The following SRSF2 variants were observed in gnomAD, a reference collection of about 807,000 sequenced individuals.
SRSF2 encodes serine/arginine-rich splicing factor 2.
SRSF2 carries 4 observed loss-of-function variants against 15.7 expected under a neutral mutation model. The observed-to-expected ratio is 0.26, with a 90% CI of 0.13 to 0.58. The LOEUF (loss-of-function observed/expected upper bound fraction) is 0.58, where lower values mean the gene tolerates loss of function less well. SRSF2 is among the 20% of genes least tolerant of loss of function. The pLI, the probability that SRSF2 is intolerant of heterozygous loss-of-function variation, is 0.90. For missense variants in SRSF2, 147 were observed against 332.4 expected (o/e 0.44, Z 4.34); for synonymous variants, 192 against 138.9 (o/e 1.38, Z -2.69).
intron 2 of SRSF2, chr17:76,735,812 T>A: frequency 2.2e-6 from 1 of 459,472 alleles, no homozygotes; most frequent in Non-Finnish European, 4.1e-6. Context: ...CCCTGGAGGA[T>A]CAGCCAAATC....
Position 76,736,756 on chromosome 17 carries a change from CGCG to C in SRSF2, c.362+40_362+42del, listed in dbSNP as rs1187613573. ...TTTGTGAGGTCGCCCGGGCCTCCCGCGCGCCCCGCCCCGCCTCCCGCGGTCCCC... is the reference window on the plus strand; with the variant it reads ...TTTGTGAGGTCGCCCGGGCCTCCCGCCCCCGCCCCGCCTCCCGCGGTCCCC... On this transcript the variant is annotated intron_variant, in intron 1 of 2. Transcript: ENST00000359995. 4 of 1,396,774 alleles carry C rather than the reference CGCG, an allele frequency of 2.9e-6. No individual in the cohort carries two copies. The Admixed American group carries it at 1.3e-4, about 47-fold the overall frequency. The allele number at this position is 1,396,774 out of a possible 1,614,324, so 86.5% of individuals were successfully genotyped here.
chr17:76,736,689 C>G (rs2077511565), intron 1 of SRSF2, 110 bp downstream of exon 1: 1 of 1,288,804 alleles, frequency 7.8e-7, no homozygotes, highest in Admixed American at 4.1e-5. Flanking sequence ...GGCGTGCACC[C>G]CCGCCCCGTC....
chr17:76,736,615 C>T (rs532688400), intron 1 of SRSF2, 151 bp from the exon 2 acceptor site: 13 of 1,159,614 alleles, frequency 1.1e-5, no homozygotes, highest in South Asian at 9.4e-5. Context: ...GCCGCCCACA[C>T]CCCGGCCACT....
chr17:76,736,344 G>C lies in SRSF2; in HGVS notation c.483C>G (p.Ser161=). The change falls in exon 2 of 3, where the codon TCC becomes TCG. Residue 161 remains serine, a synonymous_variant. Transcript: ENST00000359995. ...TGGACCTTCGTGCGGATCTGGACTT[G>C]GAGGTCGACCGAGATCGAGAACGAG... ...SRTRSRSRST[S]KSRSARRSKS... The C allele has an allele frequency of 6.2e-7, 1 of 1,614,160 alleles. No homozygotes were observed. The highest frequency in any genetic ancestry group is 1.1e-5 in the South Asian group (1 of 91,074).
Position 76,737,113 on chromosome 17 carries a change from G to C in SRSF2, c.48C>G (p.Leu16=), listed in dbSNP as rs1289391142. 1 of 1,608,692 alleles carries C rather than the reference G, an allele frequency of 6.2e-7. No homozygotes were observed. Among genetic ancestry groups the C allele is most frequent in the Non-Finnish European group, 8.5e-7 (1 of 1,177,510 alleles). The part of the protein sequence containing the change: ...PPPDVEGMTS[L]KVDNLTYRTS... ...TGCGGTAGGTCAGGTTGTCCACCTT[G>C]AGGGAGGTCATACCCTCCACATCGG... Residue 16 remains leucine, a synonymous_variant, in exon 1 of 3, where the codon CTC becomes CTG. Coordinates refer to ENST00000359995, the MANE Select transcript of SRSF2 (RefSeq NM_001195427.2).
rs560982300 is a variant in SRSF2, at chr17:76,735,896, G to A, written c.*7+258C>T. On this transcript the variant is annotated intron_variant, in intron 2 of 2. Transcript: ENST00000359995. ...CGCAGCTTTAAAGGGGGAAAATGCA[G>A]ACGTTGGATAAAAACAGCAAGAAAT... is the stretch of plus-strand genomic sequence containing the variant. The A allele has an allele frequency of 7.4e-5, 44 of 591,644 alleles. No homozygotes were observed. The Admixed American group carries it at 7.8e-4, about 10-fold the overall frequency. 36.6% of individuals were successfully genotyped at this position (591,644 alleles called of 1,614,324 possible).
At chr17:76,736,516 G>C (rs372808564) in intron 1 of SRSF2, 52 bp from the exon 2 acceptor site, 8 of 1,558,338 alleles carry the variant, frequency 5.1e-6, no homozygotes, top group Admixed American at 1.8e-5. Context: ...CAGCGGGGCC[G>C]GCCCCGCCCG....
At chr17:76,735,914 C>A in intron 2 of SRSF2, 2 of 608,444 alleles carry the variant, frequency 3.3e-6, no homozygotes, top group Non-Finnish European at 5.9e-6. Context: ...ATAAAAACAG[C>A]AAGAAATAGT....
chr17:76,736,131 T>A (rs1598427662), intron 2 of SRSF2, 23 bp downstream of exon 2: 1 of 1,564,188 alleles, frequency 6.4e-7, no homozygotes, highest in South Asian at 1.2e-5. Flanking sequence ...TAGGGTTATG[T>A]GTCTCGGATT....
In SRSF2 at chr17:76,736,252, G is replaced by A. The variant is rs1468393685; in HGVS notation, c.575C>T (p.Pro192Leu). ...GGATTCCCTCTTGGACACTGGGGGA[G>A]GACTCCTGGACCGAGACCGGGACCT... ...RSRSRSRSRS[P>L]PPVSKRESKS... The change falls in exon 2 of 3, where the codon CCT becomes CTT. Residue 192 changes from proline (P) to leucine (L), a missense_variant. Physicochemically the swap from Pro to Leu is moderately conservative, Grantham distance 98. This residue lies in a region of SRSF2 where 125 missense variants were observed against 185.1 expected (regional missense o/e 0.68). Transcript: ENST00000359995. 2 of 1,614,172 alleles carry A rather than the reference G, an allele frequency of 1.2e-6. No homozygotes were observed. Among genetic ancestry groups the A allele is most frequent in the Non-Finnish European group, 1.7e-6 (2 of 1,180,020 alleles).
rs545669570 is a variant in SRSF2 at position 76,736,478 on chromosome 17, G to A, written c.363-14C>T. 5.6e-6 allele frequency: 9 copies of A among 1,608,154 alleles called. No homozygotes were observed. Among genetic ancestry groups the A allele is most frequent in the South Asian group, 3.3e-5 (3 of 91,046 alleles). On this transcript the variant is annotated splice_polypyrimidine_tract_variant and intron_variant, in intron 1 of 2. Coordinates refer to ENST00000359995, the MANE Select transcript of SRSF2 (RefSeq NM_001195427.2). ...CGCCGCCTAGGGCTGCGGGCGGGAC[G>A]AGCAAGCACAGCGGGGTTAATTCCA...
In SRSF2 at chr17:76,737,292, A is replaced by G. The variant is rs1209979041; in HGVS notation, c.-132T>C. 3.1e-6 allele frequency: 4 copies of G among 1,280,282 alleles called. No individual in the cohort carries two copies. Among genetic ancestry groups the G allele is most frequent in the Non-Finnish European group, 4.2e-6 (4 of 956,832 alleles). The allele number at this position is 1,280,282 out of a possible 1,614,324, so 79.3% of individuals were successfully genotyped here. On this transcript the variant is annotated 5_prime_UTR_variant, in exon 1 of 3. Coordinates refer to ENST00000359995, the MANE Select transcript of SRSF2 (RefSeq NM_001195427.2). The stretch of plus-strand genomic sequence containing the variant: ...GGGAAAGGCCTTGCCGCAGAACAGC[A>G]CGGACGGGCTCCGCAGGCTAGCGCA...
In SRSF2 at chr17:76,736,290, A is replaced by C. The variant is rs755530979; in HGVS notation, c.537T>G (p.Ser179=). 2.5e-6 allele frequency: 4 copies of C among 1,614,044 alleles called. No individual in the cohort carries two copies. The South Asian group carries it at 4.4e-5, about 18-fold the overall frequency. ...SKSKSSSVSR[S]RSRSRSRSRS... is the part of the protein sequence containing the mutation. ...GAGACCGGGACCTGGACCGCGAACG[A>C]GATCTGGAGACCGACGAGGACTTGG... Residue 179 remains serine, a synonymous_variant, in exon 2 of 3, where the codon TCT becomes TCG. Transcript: ENST00000359995.
rs1341531246 is a variant in SRSF2, at chr17:76,737,219, G to A, written c.-59C>T. 1.4e-6 allele frequency: 2 copies of A among 1,470,952 alleles called. No individual in the cohort carries two copies. The highest frequency in any genetic ancestry group is 9.0e-7 in the Non-Finnish European group (1 of 1,105,536). The allele number at this position is 1,470,952 out of a possible 1,614,324, so 91.1% of individuals were successfully genotyped here. A position where few individuals can be genotyped will look rare whatever the true frequency, so the allele number is the denominator to read the frequency against. On this transcript the variant is annotated 5_prime_UTR_variant, in exon 1 of 3. Transcript: ENST00000359995. The stretch of plus-strand genomic sequence containing the variant: ...GGCGCCGGCTTCCTCAGCTCTGGGC[G>A]GTGCGACGCCGCGCCTCTCAGGCAG...
In SRSF2 at chr17:76,735,176, G is replaced by GA; in HGVS notation, c.*8-19dup. The GA allele has an allele frequency of 4.5e-6, 1 of 219,930 alleles. No homozygotes were observed. Among genetic ancestry groups the GA allele is most frequent in the East Asian group, 6.7e-5 (1 of 14,954 alleles). 13.6% of individuals were successfully genotyped at this position (219,930 alleles called of 1,614,324 possible). A position where few individuals can be genotyped will look rare whatever the true frequency, so the allele number is the denominator to read the frequency against. ...CGATACATCTAGGTTTGAAAAGAAA[G>GA]AAGTTCAGCTTACCTTCCATTAAAG... is the stretch of plus-strand genomic sequence containing the variant. On this transcript the variant is annotated intron_variant, in intron 2 of 2. Transcript: ENST00000359995.
In SRSF2 at chr17:76,736,473, GGGA is replaced by G. The variant is rs1568024098; in HGVS notation, c.363-12_363-10del. On this transcript the variant is annotated splice_polypyrimidine_tract_variant and intron_variant, in intron 1 of 2. Coordinates refer to ENST00000359995, the MANE Select transcript of SRSF2 (RefSeq NM_001195427.2). ...GGCGACGCCGCCTAGGGCTGCGGGC[GGGA>G]CGAGCAAGCACAGCGGGGTTAATTC... 2 of 1,609,136 alleles carry G rather than the reference GGGA, an allele frequency of 1.2e-6. No homozygotes were observed. Among genetic ancestry groups the G allele is most frequent in the South Asian group, 2.2e-5 (2 of 91,050 alleles).
In SRSF2 at chr17:76,734,318, A is replaced by G; in HGVS notation, c.*848T>C. 3 of 234,768 alleles carry G rather than the reference A, an allele frequency of 1.3e-5. No homozygotes were observed. Among genetic ancestry groups the G allele is most frequent in the Non-Finnish European group, 2.6e-5 (3 of 114,476 alleles). The allele number at this position is 234,768 out of a possible 1,614,324, so 14.5% of individuals were successfully genotyped here. On this transcript the variant is annotated 3_prime_UTR_variant, in exon 3 of 3. Coordinates refer to ENST00000359995, the MANE Select transcript of SRSF2 (RefSeq NM_001195427.2). ...ACCATTTTTAGGGGGAAGAGGGAAA[A>G]AAAGGTGTATTTATCATCAGCTAGA...
At chr17:76,736,513 GCCGGCC>G (rs2077480966) in intron 1 of SRSF2, 49 bp from the exon 2 acceptor site, 2 of 1,566,068 alleles carry the variant, frequency 1.3e-6, no homozygotes, top group Non-Finnish European at 8.6e-7. Flanking sequence ...AGGCAGCGGG[GCCGGCC>G]CCGCCCGCGC....
Position 76,737,279 on chromosome 17 carries a change from G to T in SRSF2, c.-119C>A. 1 of 1,362,322 alleles carries T rather than the reference G, an allele frequency of 7.3e-7. No homozygotes were observed. 84.4% of individuals were successfully genotyped at this position (1,362,322 alleles called of 1,614,324 possible). On this transcript the variant is annotated 5_prime_UTR_variant, in exon 1 of 3. Coordinates refer to ENST00000359995, the MANE Select transcript of SRSF2 (RefSeq NM_001195427.2). Reference sequence around the variant, plus strand: ...GCGTGGGGACACTGGGAAAGGCCTTGCCGCAGAACAGCACGGACGGGCTCC... The same window carrying T: ...GCGTGGGGACACTGGGAAAGGCCTTTCCGCAGAACAGCACGGACGGGCTCC...
Sources: gnomAD v4.1 joint callset for allele counts on GRCh38, gnomAD v4.1.1 for gene constraint, gnomAD v4.1.1 regional missense constraint, MANE v1.5 for transcripts, NCBI Gene and HGNC (gene_info 2026-07-23, HGNC 2026-07-21) for gene names.